Variants in DOCK1 observed in about 807,000 individuals in gnomAD.
DOCK1 encodes dedicator of cytokinesis protein 1.
Under a neutral mutation model 262.7 loss-of-function variants are expected in DOCK1, and 138 were observed. The ratio of observed to expected loss-of-function variants is 0.53; its 90% CI spans 0.46 to 0.61. The LOEUF (loss-of-function observed/expected upper bound fraction) is 0.61, where lower values mean the gene tolerates loss of function less well. DOCK1 is among the 20% of genes least tolerant of loss of function. The pLI, the probability that DOCK1 is intolerant of heterozygous loss-of-function variation, is 0.00. For missense variants in DOCK1, 1,908 were observed against 2,370.7 expected (o/e 0.80, Z 4.05); for synonymous variants, 866 against 867.4 (o/e 1.00, Z 0.03).
chr10:127,362,058 TCCAAGG>T lies in DOCK1; in HGVS notation c.3284-5_3284del. The T allele has an allele frequency of 6.3e-7, 1 of 1,599,326 alleles. No homozygotes were observed. Among genetic ancestry groups the T allele is most frequent in the Admixed American group, 1.8e-5 (1 of 56,104 alleles). On this transcript the variant is annotated splice_acceptor_variant and splice_polypyrimidine_tract_variant and coding_sequence_variant and intron_variant, in exon 33 of 52. Coordinates refer to ENST00000623213, the MANE Select transcript of DOCK1 (RefSeq NM_001290223.2). LOFTEE classifies it high-confidence loss of function. ...ATTTCTGAATATTGTACCTCTTTTT[TCCAAGG>T]TCAACACAAGATAAAGTTCATTCCA...
At chr10:127,417,984 C>T (rs2068261865) in intron 44 of DOCK1, among the ~76,000 whole-genome samples, 2 of 151,658 alleles carry the variant, frequency 1.3e-5, no homozygotes, top group Non-Finnish European at 2.9e-5. Flanking sequence ...GGCTTAGATT[C>T]CTCAAAATTC....
intron 29 of DOCK1, among the ~76,000 whole-genome samples, chr10:127,309,711 G>A (rs1195566428): frequency 6.6e-6 from 1 of 152,128 alleles, no homozygotes; most frequent in East Asian, 1.9e-4. Flanking sequence ...TTTCCCCATT[G>A]CTTGGCTTGT....
chr10:126,985,690 T>C (rs1044779262), intron 4 of DOCK1, among the ~76,000 whole-genome samples: 3 of 152,098 alleles, frequency 2.0e-5, no homozygotes, highest in Non-Finnish European at 4.4e-5. Context: ...GAAGGAAATT[T>C]CTCCCTGCAG....
intron 30 of DOCK1, 87 bp downstream of exon 30, chr10:127,339,171 A>C: frequency 8.3e-7 from 1 of 1,206,156 alleles, no homozygotes; most frequent in South Asian, 1.3e-5. Context: ...AGTATTTCTA[A>C]TCCTTGAACT....
chr10:126,952,699 G>T (rs2036377769), intron 1 of DOCK1, among the ~76,000 whole-genome samples: 1 of 151,804 alleles, frequency 6.6e-6, no homozygotes, highest in African/African-American at 2.4e-5. Flanking sequence ...TATTGTTGGT[G>T]ATGTGGTAGT....
chr10:127,267,959 G>T (rs759601911), intron 29 of DOCK1, among the ~76,000 whole-genome samples: 1 of 152,102 alleles, frequency 6.6e-6, no homozygotes, highest in African/African-American at 2.4e-5. Flanking sequence ...TGTGTCTTCC[G>T]TGTCTTTTTG....
intron 16 of DOCK1, among the ~76,000 whole-genome samples, chr10:127,031,250 A>G (rs2135525787): frequency 6.6e-6 from 1 of 152,210 alleles, no homozygotes; most frequent in South Asian, 2.1e-4. Flanking sequence ...TGGGCGTCTT[A>G]GGTTGAAAGC....
chr10:127,225,919 A>C (rs962876035), intron 27 of DOCK1, among the ~76,000 whole-genome samples: 18 of 152,142 alleles, frequency 1.2e-4, no homozygotes, highest in African/African-American at 4.3e-4. Context: ...TCTACTAAAA[A>C]TACAAAAAGT....
At chr10:126,910,806 G>A (rs2031655427) in intron 1 of DOCK1, among the ~76,000 whole-genome samples, 2 of 152,262 alleles carry the variant, frequency 1.3e-5, no homozygotes, top group Non-Finnish European at 2.9e-5. Context: ...CCTTTAAAGA[G>A]TGTTCCGTTA....
At chr10:127,164,871 A>T (rs1048921851) in intron 27 of DOCK1, among the ~76,000 whole-genome samples, 2 of 152,226 alleles carry the variant, frequency 1.3e-5, no homozygotes, top group Admixed American at 1.3e-4. Context: ...GATGACAATG[A>T]TACAAACAAG....
At chr10:127,041,544 A>G (rs1245837407) in intron 19 of DOCK1, among the ~76,000 whole-genome samples, 3 of 152,210 alleles carry the variant, frequency 2.0e-5, no homozygotes, top group Non-Finnish European at 4.4e-5. Context: ...TATTTTGTGA[A>G]CATATGTTTC....
At chr10:127,048,086 C>T (rs928597570) in intron 21 of DOCK1, among the ~76,000 whole-genome samples, 4 of 152,130 alleles carry the variant, frequency 2.6e-5, no homozygotes, top group Admixed American at 6.6e-5. Context: ...TAAGATATTG[C>T]GAGACAGTTC....
At chr10:127,280,324 G>A (rs1052622838) in intron 29 of DOCK1, among the ~76,000 whole-genome samples, 8 of 152,072 alleles carry the variant, frequency 5.3e-5, no homozygotes, top group African/African-American at 1.7e-4. Flanking sequence ...GTGAGCCACC[G>A]CGCCCGGCCT....
intron 15 of DOCK1, chr10:127,025,966 G>C (rs1223317793): frequency 4.5e-6 from 1 of 223,274 alleles, no homozygotes; most frequent in Non-Finnish European, 8.7e-6. Context: ...TGAGGCAGGA[G>C]AATCGCTTGA....
chr10:126,926,393 A>G (rs1241167844), intron 1 of DOCK1, among the ~76,000 whole-genome samples: 2 of 152,128 alleles, frequency 1.3e-5, no homozygotes, highest in African/African-American at 4.8e-5. Flanking sequence ...GACAAAAGAA[A>G]AAAAAGAACT....
At chr10:126,906,708 C>G (rs1183782915) in intron 1 of DOCK1, among the ~76,000 whole-genome samples, 1 of 152,216 alleles carries the variant, frequency 6.6e-6, no homozygotes, top group Non-Finnish European at 1.5e-5. Flanking sequence ...TGGTGTGGTT[C>G]GAATCCTGGC....
chr10:127,072,024 C>T (rs946051435), intron 23 of DOCK1, among the ~76,000 whole-genome samples: 2 of 152,148 alleles, frequency 1.3e-5, no homozygotes, highest in Admixed American at 6.5e-5. Flanking sequence ...ATTTTCTTCT[C>T]CCACCCCTGA....
At position 127,257,568 on chromosome 10, in the gene DOCK1, A is replaced by G; in HGVS notation, c.3044+139A>G. On this transcript the variant is annotated intron_variant, in intron 29 of 51. Coordinates refer to ENST00000623213, the MANE Select transcript of DOCK1 (RefSeq NM_001290223.2). ...CTGTTCCTAATTCTGTGCTGCAGACAGTTCTAGGGAGACAGGGACTCTGAG... is the reference window on the plus strand; with the variant it reads ...CTGTTCCTAATTCTGTGCTGCAGACGGTTCTAGGGAGACAGGGACTCTGAG... 4.6e-6 allele frequency: 3 copies of G among 645,462 alleles called. No individual in the cohort carries two copies. The South Asian group carries it at 7.6e-5, about 16-fold the overall frequency. The allele number at this position is 645,462 out of a possible 1,614,324, so 40.0% of individuals were successfully genotyped here.
chr10:127,445,397 G>T (rs1259822179), intron 50 of DOCK1, among the ~76,000 whole-genome samples: 1 of 152,178 alleles, frequency 6.6e-6, no homozygotes, highest in East Asian at 1.9e-4. Flanking sequence ...GACTGTCAGT[G>T]GGTGGGGAGG....
Sources: gnomAD v4.1 joint callset for allele counts (sites outside exome capture counted in the v4.1 genomes callset) on GRCh38, gnomAD v4.1.1 for gene constraint, MANE v1.5 for transcripts, NCBI Gene and HGNC (gene_info 2026-07-23, HGNC 2026-07-21) for gene names.